The following NISCH variants were observed in gnomAD, a reference collection of about 807,000 sequenced individuals.
NISCH encodes the protein I-1 receptor candidate protein.
A neutral mutation model predicts 138.4 loss-of-function variants in NISCH; 55 were observed. The ratio of observed to expected loss-of-function variants is 0.40; its 90% confidence interval spans 0.32 to 0.50. The LOEUF is 0.50. Ranked by LOEUF, NISCH falls within the 20% of genes least tolerant of loss-of-function variation. The pLI is 0.71. For synonymous variants in NISCH, 860 were observed against 861.5 expected (o/e 1.00, Z 0.03); for missense variants, 1,643 against 2,005.5 (o/e 0.82, Z 3.45).
intron 2 of NISCH, among the ~76,000 whole-genome samples, chr3:52,458,350 C>T (rs1303505672): frequency 1.3e-5 from 2 of 152,094 alleles, no homozygotes; most frequent in Non-Finnish European, 2.9e-5. Flanking sequence ...AAAGACACAC[C>T]GCTGCCCTGA....
In NISCH at chr3:52,478,088, C is replaced by T; in HGVS notation, c.988-9C>T. 6.2e-7 allele frequency: 1 copy of T among 1,613,112 alleles called. No homozygotes were observed. The highest frequency in any genetic ancestry group is 8.5e-7 in the Non-Finnish European group (1 of 1,179,800). ...GAGCCACTTTACGCTGTTCTCCACG[C>T]CGCTGCAGCACCTGTATAACCTTGT... On this transcript the variant is annotated splice_polypyrimidine_tract_variant and intron_variant, in intron 9 of 20. Transcript: ENST00000345716.
At chr3:52,462,785 C>T (rs1294277574) in intron 3 of NISCH, among the ~76,000 whole-genome samples, 3 of 151,750 alleles carry the variant, frequency 2.0e-5, no homozygotes, top group South Asian at 2.1e-4. Context: ...ACAGATGGCC[C>T]GCCACCACAC....
intron 1 of NISCH, among the ~76,000 whole-genome samples, chr3:52,456,219 T>C (rs1174540776): frequency 2.0e-5 from 3 of 150,482 alleles, no homozygotes; most frequent in Non-Finnish European, 4.4e-5. Context: ...GAGCCTGAGG[T>C]GGTGGTTGAG....
At chr3:52,480,853 C>T (rs1707250649) in intron 13 of NISCH, 2 of 1,534,020 alleles carry the variant, frequency 1.3e-6, no homozygotes, top group Non-Finnish European at 1.7e-6. Context: ...TTAGCGTTTT[C>T]AAAGGGCTTT....
Position 52,487,890 on chromosome 3 carries a change from C to T in NISCH, c.2398C>T (p.Leu800=), listed in dbSNP as rs1189155036. 1.2e-6 allele frequency: 2 copies of T among 1,612,200 alleles called. No individual in the cohort carries two copies. Among genetic ancestry groups the T allele is most frequent in the Admixed American group, 1.7e-5 (1 of 59,942 alleles). Residue 800 remains leucine (L), a synonymous_variant, in exon 16 of 21, where the codon CTG becomes TTG. Coordinates refer to ENST00000345716, the MANE Select transcript of NISCH (RefSeq NM_007184.4). The surrounding 1 kb of genome is among the most constrained non-coding windows in gnomAD (Gnocchi z 9.1). ...TLFIISDAAN[L]HEFHADLRSC... ...CTTCATTATCTCGGACGCCGCCAAC[C>T]TGCACGAGTTCCACGCGGACCTGCG...
At chr3:52,479,589 C>T (rs1369991828) in intron 11 of NISCH, among the ~76,000 whole-genome samples, 160 bp from the exon 12 acceptor site, 2 of 152,142 alleles carry the variant, frequency 1.3e-5, no homozygotes, top group East Asian at 1.9e-4. Flanking sequence ...GGTGTCCTCA[C>T]GTGGCCTGGC....
chr3:52,468,246 G>A (rs928818209), intron 3 of NISCH, among the ~76,000 whole-genome samples: 17 of 152,266 alleles, frequency 1.1e-4, no homozygotes, highest in African/African-American at 3.1e-4. Flanking sequence ...GAGACAGAGC[G>A]AGACCCCGTC....
chr3:52,465,382 G>A (rs991201024), intron 3 of NISCH, among the ~76,000 whole-genome samples: 1 of 151,604 alleles, frequency 6.6e-6, no homozygotes, highest in Non-Finnish European at 1.5e-5. Flanking sequence ...CACCCACCTC[G>A]GCCTCCCAAA....
At chr3:52,488,742 G>A (rs1022809557) in intron 16 of NISCH, 137 bp downstream of exon 16, 15 of 580,990 alleles carry the variant, frequency 2.6e-5, no homozygotes, top group East Asian at 1.2e-4. Context: ...CGCCCCCCCC[G>A]GGCCTCCCTC....
intron 14 of NISCH, among the ~76,000 whole-genome samples, chr3:52,485,197 G>T: frequency 6.6e-6 from 1 of 152,144 alleles, no homozygotes. Context: ...TGTGTGCTTC[G>T]CAAATGTGCT....
At chr3:52,480,561 CAG>C in intron 13 of NISCH, 1 of 1,456,426 alleles carries the variant, frequency 6.9e-7, no homozygotes, top group Non-Finnish European at 9.0e-7. Context: ...GGGTGTCTGA[CAG>C]GCCCTGAGGC....
At chr3:52,471,376 C>G (rs1425363522) in intron 4 of NISCH, 2 of 278,114 alleles carry the variant, frequency 7.2e-6, no homozygotes, top group Non-Finnish European at 1.4e-5. Flanking sequence ...GAGCGAGGAC[C>G]AAGCAGCAGT....
intron 19 of NISCH, 152 bp from the exon 20 acceptor site, chr3:52,491,200 C>T (rs1048888482): frequency 1.6e-6 from 2 of 1,246,670 alleles, no homozygotes; most frequent in Admixed American, 3.1e-5. Flanking sequence ...AAGGAATGGC[C>T]TCCTCCCGGG....
chr3:52,473,620 G>A (rs1260952097), intron 6 of NISCH, 114 bp from the exon 7 acceptor site: 1 of 641,814 alleles, frequency 1.6e-6, no homozygotes, highest in East Asian at 2.9e-5. Context: ...CCATCTCTGA[G>A]GATTTGGGTT....
chr3:52,460,452 A>G (rs1235186176), intron 3 of NISCH, among the ~76,000 whole-genome samples: 2 of 145,358 alleles, frequency 1.4e-5, no homozygotes, highest in Non-Finnish European at 3.0e-5. Flanking sequence ...CTCAGGCTGG[A>G]GGACAGTGGC....
At chr3:52,485,572 G>A (rs1707380305) in intron 14 of NISCH, among the ~76,000 whole-genome samples, 1 of 152,216 alleles carries the variant, frequency 6.6e-6, no homozygotes, top group Non-Finnish European at 1.5e-5. Context: ...GCTGTGTGCT[G>A]GTGGGATAAC....
chr3:52,470,618 G>A (rs544037708), intron 3 of NISCH: 32 of 571,108 alleles, frequency 5.6e-5, no homozygotes, highest in Middle Eastern at 4.6e-4. Context: ...GACTGGAGTC[G>A]CAGCATTAGG....
chr3:52,459,506 T>A (rs1449419989), intron 3 of NISCH, among the ~76,000 whole-genome samples: 1 of 152,198 alleles, frequency 6.6e-6, no homozygotes, highest in Non-Finnish European at 1.5e-5. Context: ...CGATCTCGGC[T>A]CACTACAACC....
At chr3:52,486,841 C>T (rs527311205) in intron 15 of NISCH, among the ~76,000 whole-genome samples, 2 of 152,354 alleles carry the variant, frequency 1.3e-5, no homozygotes, top group South Asian at 4.1e-4. Flanking sequence ...GATTCATGCC[C>T]TGGAGTGTTC....
Sources: gnomAD v4.1 joint callset for allele counts (sites outside exome capture counted in the v4.1 genomes callset) on GRCh38, gnomAD v4.1.1 for gene constraint, Gnocchi (gnomAD v3.1) non-coding constraint, MANE v1.5 for transcripts, NCBI Gene and HGNC (gene_info 2026-07-23, HGNC 2026-07-21) for gene names.